The following LYPD6B variants were observed in gnomAD, a reference collection of about 807,000 sequenced individuals.
LYPD6B encodes LY6/PLAUR domain containing 6B, also known as ly6/PLAUR domain-containing protein 6B.
In LYPD6B, 17 loss-of-function variants were observed where a neutral mutation model predicts 22.8. The observed-to-expected ratio is 0.75, with a 90% CI of 0.51 to 1.12. LYPD6B has a LOEUF of 1.12. Ranked by LOEUF, LYPD6B falls within the 50% of genes most tolerant of loss-of-function variation. LYPD6B has a pLI of 0.00. For synonymous variants in LYPD6B, 106 were observed against 91.6 expected (o/e 1.16, Z -0.90); for missense variants, 221 against 258.3 (o/e 0.86, Z 0.99).
chr2:149,193,170 C>A (rs745899766), intron 3 of LYPD6B, among the ~76,000 whole-genome samples: 1 of 152,100 alleles, frequency 6.6e-6, no homozygotes, highest in East Asian at 1.9e-4. Flanking sequence ...GTCACCTCAC[C>A]AAGTACTTTG....
chr2:149,169,169 G>A (rs187904622), intron 3 of LYPD6B, among the ~76,000 whole-genome samples: 7 of 152,158 alleles, frequency 4.6e-5, no homozygotes, highest in African/African-American at 1.4e-4. Flanking sequence ...GCATGGACCC[G>A]CTCTTGGGGG....
intron 1 of LYPD6B, among the ~76,000 whole-genome samples, chr2:149,126,735 G>A (rs768314356): frequency 6.6e-6 from 1 of 152,140 alleles, no homozygotes; most frequent in East Asian, 1.9e-4. Context: ...CTGCATCTTT[G>A]GATTGGTGTC....
At chr2:149,065,253 A>G in intron 1 of LYPD6B, among the ~76,000 whole-genome samples, 1 of 152,198 alleles carries the variant, frequency 6.6e-6, no homozygotes, top group African/African-American at 2.4e-5. Context: ...CTACTGTCAA[A>G]AGACTTGCTA....
intron 1 of LYPD6B, among the ~76,000 whole-genome samples, chr2:149,111,781 A>AGG (rs1163022042): frequency 6.6e-6 from 1 of 152,098 alleles, no homozygotes; most frequent in Non-Finnish European, 1.5e-5. Context: ...ATGAGAGATG[A>AGG]CTAAAGATTG....
chr2:149,161,697 G>T (rs1690075043), intron 3 of LYPD6B, among the ~76,000 whole-genome samples: 1 of 152,172 alleles, frequency 6.6e-6, no homozygotes, highest in South Asian at 2.1e-4. Flanking sequence ...GCATCTGATG[G>T]CTGGAAGAGA....
intron 5 of LYPD6B, among the ~76,000 whole-genome samples, chr2:149,210,157 C>T (rs1025494498): frequency 1.3e-5 from 2 of 152,278 alleles, no homozygotes; most frequent in South Asian, 2.1e-4. Flanking sequence ...TAGGTCTGTA[C>T]ATAATGCTCC....
In LYPD6B at chr2:149,109,753, C is replaced by G. The variant is rs1361689340; in HGVS notation, c.-66-21130C>G. On this transcript the variant is annotated intron_variant, in intron 1 of 6. Transcript: ENST00000409642. ...TTGAGATGAAGTCTGGCTTTGTCAC[C>G]CAGGCTGTAGTGCAGTGTCATGATC... Among the ~76,000 whole-genome samples, 3 of 151,932 alleles carry G rather than the reference C, an allele frequency of 2.0e-5. No individual in the cohort carries two copies. The South Asian group carries it at 6.2e-4, about 32-fold the overall frequency.
At chr2:149,063,013 CCTCT>C (rs140051333) in intron 1 of LYPD6B, among the ~76,000 whole-genome samples, 2 of 150,608 alleles carry the variant, frequency 1.3e-5, no homozygotes, top group Non-Finnish European at 3.0e-5. Flanking sequence ...TCCCTTTCTC[CCTCT>C]CTCTCTCTCT....
chr2:149,070,151 C>T (rs1684529966), intron 1 of LYPD6B, among the ~76,000 whole-genome samples: 1 of 152,040 alleles, frequency 6.6e-6, no homozygotes, highest in African/African-American at 2.4e-5. Context: ...CCATGTCTCC[C>T]AGTGAGCACC....
rs112916618 is a variant in LYPD6B at position 149,126,263 on chromosome 2, G to A, written c.-66-4620G>A. ...TAGATGTGGAATATAGTTGACTCTCGGACAATGGTGGGCTTAGGGGTGCTG... is the reference window on the plus strand; with the variant it reads ...TAGATGTGGAATATAGTTGACTCTCAGACAATGGTGGGCTTAGGGGTGCTG... On this transcript the variant is annotated intron_variant, in intron 1 of 6. Coordinates refer to ENST00000409642, the MANE Select transcript of LYPD6B (RefSeq NM_177964.5). 4.6e-3 allele frequency among the ~76,000 whole-genome samples: 704 copies of A among 152,110 alleles called. 4 individuals are homozygous for A. Among genetic ancestry groups the A allele is most frequent in the African/African-American group, 0.015 (642 of 41,502 alleles).
intron 2 of LYPD6B, among the ~76,000 whole-genome samples, chr2:149,151,928 C>T (rs1221098754): frequency 6.6e-6 from 1 of 152,130 alleles, no homozygotes; most frequent in African/African-American, 2.4e-5. Flanking sequence ...CACTTTCTAG[C>T]CTTGCCTTCC....
At chr2:149,057,767 G>T (rs573222241) in intron 1 of LYPD6B, among the ~76,000 whole-genome samples, 1 of 152,166 alleles carries the variant, frequency 6.6e-6, no homozygotes, top group African/African-American at 2.4e-5. Context: ...AAAGGGGGTG[G>T]AAAGGGGATC....
chr2:149,205,240 C>G lies in LYPD6B; in HGVS notation c.78-13C>G. ...ATATAAAGAAACTGAACCAGTGTGT[C>G]TTTTCACCATAGATATAAGAGTTCG... On this transcript the variant is annotated splice_polypyrimidine_tract_variant and intron_variant, in intron 3 of 6. Transcript: ENST00000409642. The G allele has an allele frequency of 1.9e-6, 3 of 1,596,454 alleles. No individual in the cohort carries two copies. The highest frequency in any genetic ancestry group is 2.6e-6 in the Non-Finnish European group (3 of 1,174,808).
intron 1 of LYPD6B, among the ~76,000 whole-genome samples, chr2:149,055,023 A>G (rs1683726110): frequency 6.6e-6 from 1 of 152,194 alleles, no homozygotes; most frequent in Non-Finnish European, 1.5e-5. Flanking sequence ...TTATAATTTC[A>G]GCTCTTCCAT....
At chr2:149,148,844 T>C (rs889292610) in intron 2 of LYPD6B, among the ~76,000 whole-genome samples, 6 of 152,036 alleles carry the variant, frequency 3.9e-5, no homozygotes, top group Non-Finnish European at 8.8e-5. Context: ...AAGAGTAGGA[T>C]TATGGGACAG....
At chr2:149,061,732 A>G (rs1167845375) in intron 1 of LYPD6B, among the ~76,000 whole-genome samples, 1 of 152,114 alleles carries the variant, frequency 6.6e-6, no homozygotes, top group Non-Finnish European at 1.5e-5. Flanking sequence ...AAACATATCC[A>G]TTCTTCCCAG....
chr2:149,114,666 C>T (rs1471651), intron 1 of LYPD6B, among the ~76,000 whole-genome samples: 48,226 of 152,034 alleles, frequency 0.32, 8,093 homozygotes, highest in Non-Finnish European at 0.36. Context: ...AAAACCCAAG[C>T]GTTCTTCCAT....
Position 149,141,355 on chromosome 2 carries a change from G to A in LYPD6B, c.5+10402G>A, listed in dbSNP as rs192368678. 2.4e-4 allele frequency among the ~76,000 whole-genome samples: 37 copies of A among 152,224 alleles called. 2 individuals carry two copies. The highest frequency in any genetic ancestry group is 8.7e-4 in the African/African-American group (36 of 41,546). On this transcript the variant is annotated intron_variant, in intron 2 of 6. Coordinates refer to ENST00000409642, the MANE Select transcript of LYPD6B (RefSeq NM_177964.5). The stretch of plus-strand genomic sequence containing the variant: ...AGGGGGGAGAGAAATCAGGGAGGTA[G>A]CCTGATTTAAAGTTGTTTGGTGTGT...
intron 3 of LYPD6B, among the ~76,000 whole-genome samples, chr2:149,182,341 G>C (rs1691795513): frequency 6.6e-6 from 1 of 152,148 alleles, no homozygotes; most frequent in South Asian, 2.1e-4. Context: ...GGTTATCACA[G>C]TGTTGACCAC....
Sources: gnomAD v4.1 joint callset for allele counts (sites outside exome capture counted in the v4.1 genomes callset) on GRCh38, gnomAD v4.1.1 for gene constraint, MANE v1.5 for transcripts, NCBI Gene and HGNC (gene_info 2026-07-23, HGNC 2026-07-21) for gene names.